Variants in CREB5 observed in about 807,000 individuals in gnomAD.
The protein encoded by CREB5 is cyclic AMP-responsive element-binding protein 5.
A neutral mutation model predicts 57.1 loss-of-function variants in CREB5; 19 were observed. The ratio of observed to expected loss-of-function variants is 0.33; its 90% CI spans 0.23 to 0.49. The LOEUF is 0.49. Among genes scored for constraint, CREB5 ranks in the 20% least tolerant of loss-of-function variants. CREB5 has a pLI of 0.99. For synonymous variants in CREB5, 238 were observed against 238.3 expected, an observed-to-expected ratio of 1.00 and a Z score of 0.01; for missense variants, 579 against 671.6, an observed-to-expected ratio of 0.86 and a Z score of 1.52.
At chr7:28,472,165 A>AAAAC (rs1554328949) in intron 1 of CREB5, among the ~76,000 whole-genome samples, 8 of 148,072 alleles carry the variant, frequency 5.4e-5, no homozygotes, top group Admixed American at 1.3e-4. Flanking sequence ...AAAAAAAAAA[A>AAAAC]ACATAGTAAT....
intron 3 of CREB5, among the ~76,000 whole-genome samples, chr7:28,496,797 TG>T (rs1243112412): frequency 4.3e-5 from 3 of 70,336 alleles, no homozygotes; most frequent in Admixed American, 1.4e-4. Context: ...TGTTTGTTAT[TG>T]TTTTTTTTTT....
chr7:28,475,046 C>T (rs1489096255), intron 1 of CREB5, among the ~76,000 whole-genome samples: 2 of 152,066 alleles, frequency 1.3e-5, no homozygotes, highest in Admixed American at 1.3e-4. Context: ...AACCTTTCTG[C>T]ATTGGGAGGT....
At chr7:28,695,430 G>A (rs976943732) in intron 5 of CREB5, among the ~76,000 whole-genome samples, 1 of 152,124 alleles carries the variant, frequency 6.6e-6, no homozygotes, top group African/African-American at 2.4e-5. Flanking sequence ...TGACTCCTGG[G>A]GATGGTGGGG....
chr7:28,548,406 T>A (rs997969009), intron 4 of CREB5, among the ~76,000 whole-genome samples: 1 of 152,194 alleles, frequency 6.6e-6, no homozygotes, highest in Non-Finnish European at 1.5e-5. Flanking sequence ...TTCTAAAATG[T>A]GTTAAACTGT....
chr7:28,433,805 C>T lies in CREB5; in HGVS notation c.3+20888C>T, dbSNP rs538511553. Among the ~76,000 whole-genome samples the T allele has an allele frequency of 1.1e-4, 17 of 151,866 alleles. No homozygotes were observed. The South Asian group carries it at 2.3e-3, about 20-fold the overall frequency. On this transcript the variant is annotated intron_variant, in intron 1 of 10. Transcript: ENST00000357727. ...TCTGTGAATATGTGAACACAGTTTA[C>T]GTTTAGAATCATGCCACTTCTGCTT...
At chr7:28,752,749 T>C (rs1805056023) in intron 7 of CREB5, among the ~76,000 whole-genome samples, 1 of 152,190 alleles carries the variant, frequency 6.6e-6, no homozygotes, top group South Asian at 2.1e-4. Context: ...TTTAGGACAA[T>C]GTTTGTCTTC....
At chr7:28,696,526 C>T (rs1036752066) in intron 5 of CREB5, among the ~76,000 whole-genome samples, 1 of 152,104 alleles carries the variant, frequency 6.6e-6, no homozygotes, top group Non-Finnish European at 1.5e-5. Flanking sequence ...GTTTTTCCAG[C>T]CACGTGATCT....
chr7:28,637,378 A>C (rs1046509682), intron 5 of CREB5, among the ~76,000 whole-genome samples: 4 of 152,194 alleles, frequency 2.6e-5, no homozygotes, highest in Non-Finnish European at 4.4e-5. Context: ...GTAGAAGTCA[A>C]CATAAAAGTT....
intron 1 of CREB5, among the ~76,000 whole-genome samples, chr7:28,427,503 A>C (rs1211068181): frequency 6.6e-6 from 1 of 152,128 alleles, no homozygotes; most frequent in East Asian, 1.9e-4. Flanking sequence ...GGCTGGTTGA[A>C]AAATCTTCCT....
At position 28,673,285 on chromosome 7, in the gene CREB5, C is replaced by T. The variant is rs542357653; in HGVS notation, c.465-45468C>T. Among the ~76,000 whole-genome samples the T allele has an allele frequency of 3.9e-5, 6 of 152,258 alleles. No individual in the cohort carries two copies. The East Asian group carries it at 9.7e-4, about 25-fold the overall frequency. ...CTATCATCACACATTCTAAAAGGACCTCCCCATTTTAAAACCTGTCCCAGG... is the reference window on the plus strand; with the variant it reads ...CTATCATCACACATTCTAAAAGGACTTCCCCATTTTAAAACCTGTCCCAGG... On this transcript the variant is annotated intron_variant, in intron 5 of 10. Coordinates refer to ENST00000357727, the MANE Select transcript of CREB5 (RefSeq NM_182898.4).
chr7:28,422,217 G>A (rs776802608), intron 1 of CREB5, among the ~76,000 whole-genome samples: 4 of 152,082 alleles, frequency 2.6e-5, no homozygotes, highest in East Asian at 1.9e-4. Flanking sequence ...TCTGTGCTTC[G>A]GGGAAAAACA....
intron 4 of CREB5, among the ~76,000 whole-genome samples, chr7:28,540,741 G>A (rs1239301738): frequency 1.3e-5 from 2 of 152,218 alleles, no homozygotes; most frequent in African/African-American, 4.8e-5. Flanking sequence ...TGATGGAAAA[G>A]AAGAGTTGAG....
intron 1 of CREB5, among the ~76,000 whole-genome samples, chr7:28,304,657 A>G (rs1785153932): frequency 6.6e-6 from 1 of 152,184 alleles, no homozygotes; most frequent in African/African-American, 2.4e-5. Flanking sequence ...ATAAAAAGAG[A>G]AGCCACATAA....
At chr7:28,631,712 C>T (rs1798213347) in intron 5 of CREB5, among the ~76,000 whole-genome samples, 1 of 152,068 alleles carries the variant, frequency 6.6e-6, no homozygotes, top group Non-Finnish European at 1.5e-5. Context: ...TGTTGTGGAG[C>T]TTGCAGTCAA....
chr7:28,325,127 T>C (rs1196773149), intron 1 of CREB5, among the ~76,000 whole-genome samples: 1 of 152,138 alleles, frequency 6.6e-6, no homozygotes, highest in African/African-American at 2.4e-5. Context: ...ACACTTATAG[T>C]CCTTTCTCTA....
In CREB5 at chr7:28,412,813, C is replaced by T. The variant is rs539037297; in HGVS notation, c.-102C>T. ...CAAATACTCAAGACTTATTTTCTTC[C>T]TAATCTTGCTGGTGAAACAGAAGTT... is the stretch of plus-strand genomic sequence containing the variant. On this transcript the variant is annotated 5_prime_UTR_variant, in exon 1 of 11. Coordinates refer to ENST00000357727, the MANE Select transcript of CREB5 (RefSeq NM_182898.4). The T allele has an allele frequency of 7.4e-5, 82 of 1,107,806 alleles. No homozygotes were observed. In the African/African-American group the frequency reaches 1.2e-3, roughly 17 times the overall value. 68.6% of individuals were successfully genotyped at this position (1,107,806 alleles called of 1,614,324 possible).
intron 5 of CREB5, among the ~76,000 whole-genome samples, chr7:28,654,993 C>T (rs1799281053): frequency 6.6e-6 from 1 of 152,124 alleles, no homozygotes; most frequent in South Asian, 2.1e-4. Flanking sequence ...TCACTGCAGC[C>T]TCGACCTCCT....
intron 1 of CREB5, among the ~76,000 whole-genome samples, chr7:28,345,968 C>T (rs865797245): frequency 2.0e-5 from 3 of 152,034 alleles, no homozygotes; most frequent in Admixed American, 1.3e-4. Context: ...AACTGTGGGG[C>T]GGGACCTCTG....
intron 1 of CREB5, among the ~76,000 whole-genome samples, chr7:28,321,364 C>A (rs2127984191): frequency 6.6e-6 from 1 of 152,214 alleles, no homozygotes; most frequent in East Asian, 1.9e-4. Flanking sequence ...GAGCACAGGA[C>A]AAAATGAAAC....
Sources: gnomAD v4.1 joint callset for allele counts (sites outside exome capture counted in the v4.1 genomes callset) on GRCh38, gnomAD v4.1.1 for gene constraint, MANE v1.5 for transcripts, NCBI Gene and HGNC (gene_info 2026-07-23, HGNC 2026-07-21) for gene names.